SYCP1: variants seen among roughly 807,000 people sequenced by gnomAD.
The protein encoded by SYCP1 is cancer/testis antigen 8.
SYCP1 carries 64 observed loss-of-function variants against 153.1 expected under a neutral mutation model. The ratio of observed to expected loss-of-function variants is 0.42; its 90% CI spans 0.34 to 0.51. The LOEUF is 0.51. SYCP1 is among the 20% of genes least tolerant of loss of function. The pLI, the probability that SYCP1 is intolerant of heterozygous loss-of-function variation, is 0.06. For synonymous variants in SYCP1, 384 were observed against 341.8 expected (o/e 1.12, Z -1.36); for missense variants, 997 against 1,049.0 (o/e 0.95, Z 0.68).
At chr1:114,958,929 CAAA>C (rs202044089) in intron 27 of SYCP1, among the ~76,000 whole-genome samples, 6 of 107,378 alleles carry the variant, frequency 5.6e-5, no homozygotes, top group Non-Finnish European at 5.5e-5. Context: ...GACTCCGTCT[CAAA>C]AAAAAAAAAA....
At position 114,914,006 on chromosome 1, in the gene SYCP1, A is replaced by G. The variant is rs1668351142; in HGVS notation, c.1679A>G (p.Lys560Arg). The G allele has an allele frequency of 6.3e-7, 1 of 1,576,948 alleles. No individual in the cohort carries two copies. Among genetic ancestry groups the G allele is most frequent in the East Asian group, 2.3e-5 (1 of 43,376 alleles). The change falls in exon 20 of 32, where the codon AAA becomes AGA. Residue 560 changes from lysine to arginine, a missense_variant. Physicochemically the swap from Lys to Arg is conservative, Grantham distance 26. Transcript: ENST00000369522. ...AAAAAGCAAGAAGAAAGGATGTTGA[A>G]ACAAATAGAAAATCTTCAAGAAACA... ...NNKKQEERML[K>R]QIENLQETET...
chr1:114,937,417 T>C (rs1372854082), intron 23 of SYCP1, among the ~76,000 whole-genome samples: 3 of 152,178 alleles, frequency 2.0e-5, no homozygotes, highest in Non-Finnish European at 4.4e-5. Context: ...AAGACTTAAA[T>C]GTTAGACCTA....
At chr1:114,875,261 C>CTTT (rs561059800) in intron 9 of SYCP1, among the ~76,000 whole-genome samples, 5 of 112,020 alleles carry the variant, frequency 4.5e-5, no homozygotes, top group Non-Finnish European at 5.6e-5. Flanking sequence ...ACTTTGTCTT[C>CTTT]TTTTTTTTTT....
intron 17 of SYCP1, 113 bp from the exon 18 acceptor site, chr1:114,911,366 A>G (rs935014323): frequency 5.5e-6 from 3 of 548,042 alleles, no homozygotes; most frequent in Non-Finnish European, 9.3e-6. Context: ...AAAATATTTG[A>G]CATAACCTGC....
intron 27 of SYCP1, among the ~76,000 whole-genome samples, chr1:114,958,756 TAAAAAAA>T (rs754525268): frequency 1.0e-5 from 1 of 96,552 alleles, no homozygotes; most frequent in African/African-American, 4.1e-5. Flanking sequence ...CTGTCTCTAC[TAAAAAAA>T]AAAAAAAAAA....
At chr1:114,936,078 A>G (rs1669986777) in intron 23 of SYCP1, among the ~76,000 whole-genome samples, 5 of 152,176 alleles carry the variant, frequency 3.3e-5, no homozygotes, top group Admixed American at 2.6e-4. Context: ...CTGATACCAA[A>G]GGCTGGCCGA....
At chr1:114,966,243 T>C (rs1672118627) in intron 27 of SYCP1, among the ~76,000 whole-genome samples, 1 of 152,182 alleles carries the variant, frequency 6.6e-6, no homozygotes, top group Non-Finnish European at 1.5e-5. Flanking sequence ...TTTTCCTCTT[T>C]ATTAGTCTGG....
chr1:114,938,412 G>T (rs150312165), intron 23 of SYCP1, among the ~76,000 whole-genome samples: 4 of 147,098 alleles, frequency 2.7e-5, no homozygotes, highest in South Asian at 2.3e-4. Context: ...ATGGGGGGAG[G>T]GGGGAGGGAT....
chr1:114,975,660 C>T (rs1417050740), intron 27 of SYCP1, among the ~76,000 whole-genome samples: 1 of 151,438 alleles, frequency 6.6e-6, no homozygotes, highest in African/African-American at 2.4e-5. Context: ...ACCTATAAGC[C>T]CATTGGTATA....
intron 23 of SYCP1, among the ~76,000 whole-genome samples, chr1:114,938,882 T>C (rs1670207212): frequency 6.6e-6 from 1 of 152,090 alleles, no homozygotes; most frequent in African/African-American, 2.4e-5. Context: ...CCCATTAGAA[T>C]GGGTACTAAT....
Position 114,893,978 on chromosome 1 carries a change from C to T in SYCP1, c.1259-1470C>T, listed in dbSNP as rs528443723. On this transcript the variant is annotated intron_variant, in intron 15 of 31. Transcript: ENST00000369522. The stretch of plus-strand genomic sequence containing the variant: ...TTAGTGTGAGTTGTTTTTTTTTTTT[C>T]TCCAAGGATTCGTTAATTTTCTGGT... 2.0e-3 allele frequency among the ~76,000 whole-genome samples: 292 copies of T among 146,404 alleles called. 1 individual carries two copies. Among genetic ancestry groups the T allele is most frequent in the African/African-American group, 7.0e-3 (279 of 39,996 alleles).
chr1:114,954,817 G>C (rs934244751), intron 27 of SYCP1, among the ~76,000 whole-genome samples: 1 of 152,088 alleles, frequency 6.6e-6, no homozygotes, highest in Non-Finnish European at 1.5e-5. Flanking sequence ...TTGACCTCGC[G>C]ATCCGCCTGC....
chr1:114,896,594 G>A (rs186153397), intron 16 of SYCP1, among the ~76,000 whole-genome samples: 106 of 152,266 alleles, frequency 7.0e-4, no homozygotes, highest in Admixed American at 2.4e-3. Context: ...CATAGTAGGT[G>A]CTCAATAAAT....
intron 4 of SYCP1, 64 bp downstream of exon 4, chr1:114,857,339 G>A (rs71664871): frequency 6.4e-7 from 1 of 1,553,462 alleles, no homozygotes; most frequent in Non-Finnish European, 8.8e-7. Flanking sequence ...ATTTGAAGAC[G>A]AAAAAAGTCT....
chr1:114,885,422 C>A (rs1666226450), intron 12 of SYCP1, 113 bp from the exon 13 acceptor site: 2 of 591,770 alleles, frequency 3.4e-6, no homozygotes, highest in South Asian at 2.1e-5. Context: ...ATTTTCTTCT[C>A]ATTTTGGACT....
At chr1:114,925,703 T>C (rs1388723998) in intron 21 of SYCP1, among the ~76,000 whole-genome samples, 1 of 152,144 alleles carries the variant, frequency 6.6e-6, no homozygotes, top group African/African-American at 2.4e-5. Context: ...AATAAATGTT[T>C]GTGAAAGCTA....
chr1:114,861,344 G>A (rs147702953), intron 8 of SYCP1, among the ~76,000 whole-genome samples: 32 of 152,016 alleles, frequency 2.1e-4, no homozygotes, highest in Non-Finnish European at 3.2e-4. Flanking sequence ...TATAAAGTAG[G>A]ATTTTTTCCC....
intron 23 of SYCP1, among the ~76,000 whole-genome samples, chr1:114,935,780 A>G (rs985530543): frequency 6.6e-6 from 1 of 152,230 alleles, no homozygotes; most frequent in Non-Finnish European, 1.5e-5. Flanking sequence ...AAACACCTCT[A>G]TGCAAATAAA....
intron 25 of SYCP1, 148 bp from the exon 26 acceptor site, chr1:114,946,141 T>G (rs1367950031): frequency 4.0e-6 from 1 of 251,750 alleles, no homozygotes; most frequent in Non-Finnish European, 7.5e-6. Context: ...CCCATATATA[T>G]TACTGAATTT....
Sources: gnomAD v4.1 joint callset for allele counts (sites outside exome capture counted in the v4.1 genomes callset) on GRCh38, gnomAD v4.1.1 for gene constraint, MANE v1.5 for transcripts, NCBI Gene and HGNC (gene_info 2026-07-23, HGNC 2026-07-21) for gene names.